The following RRP12 variants were observed in gnomAD, a reference collection of about 807,000 sequenced individuals.
The protein encoded by RRP12 is ribosomal RNA processing 12 homolog.
RRP12 carries 78 observed loss-of-function variants against 157.3 expected under a neutral mutation model. The ratio of observed to expected loss-of-function variants is 0.50; its 90% confidence interval spans 0.41 to 0.60. RRP12 has a LOEUF of 0.60. Ranked by LOEUF, RRP12 falls within the 20% of genes least tolerant of loss-of-function variation. The probability of loss-of-function intolerance (pLI) is 0.00; values close to 1 mark genes in which losing one functional copy is unlikely to be tolerated. For synonymous variants in RRP12, 726 were observed against 670.9 expected (o/e 1.08, Z -1.27); for missense variants, 1,521 against 1,679.9 (o/e 0.91, Z 1.65).
intron 15 of RRP12, among the ~76,000 whole-genome samples, chr10:97,375,679 T>C (rs924816333): frequency 5.3e-5 from 8 of 152,206 alleles, no homozygotes; most frequent in African/African-American, 1.9e-4. Context: ...TCATCTGTAT[T>C]TTCTTTGATG....
intron 33 of RRP12, 57 bp from the exon 34 acceptor site, chr10:97,357,253 T>A: frequency 9.0e-7 from 1 of 1,116,952 alleles, no homozygotes; most frequent in Non-Finnish European, 1.3e-6. Flanking sequence ...GGCCCCCTCC[T>A]GTTGCCAAAT....
chr10:97,381,870 G>C lies in RRP12; in HGVS notation c.1209-44C>G, dbSNP rs1316196456. 2 of 1,467,238 alleles carry C rather than the reference G, an allele frequency of 1.4e-6. 1 individual carries two copies. The highest frequency in any genetic ancestry group is 2.3e-5 in the South Asian group (2 of 86,136). 90.9% of individuals were successfully genotyped at this position (1,467,238 alleles called of 1,614,324 possible). A position where few individuals can be genotyped will look rare whatever the true frequency, so the allele number is the denominator to read the frequency against. ...TCTGTGGGGCCTGGCCTGAGCCCTGGGGACCCGGGCAACCAGGGCTCAGGG... is the reference window on the plus strand; with the variant it reads ...TCTGTGGGGCCTGGCCTGAGCCCTGCGGACCCGGGCAACCAGGGCTCAGGG... On this transcript the variant is annotated intron_variant, in intron 10 of 33. Coordinates refer to ENST00000370992, the MANE Select transcript of RRP12 (RefSeq NM_015179.4).
At position 97,381,868 on chromosome 10, in the gene RRP12, T is replaced by C. The variant is rs578002380; in HGVS notation, c.1209-42A>G. ...TTTCTGTGGGGCCTGGCCTGAGCCCTGGGGACCCGGGCAACCAGGGCTCAG... is the reference window on the plus strand; with the variant it reads ...TTTCTGTGGGGCCTGGCCTGAGCCCCGGGGACCCGGGCAACCAGGGCTCAG... On this transcript the variant is annotated intron_variant, in intron 10 of 33. Transcript: ENST00000370992. 2.7e-6 allele frequency: 4 copies of C among 1,498,852 alleles called. No individual in the cohort carries two copies. In the African/African-American group the frequency reaches 5.5e-5, roughly 21 times the overall value. The allele number at this position is 1,498,852 out of a possible 1,614,324, so 92.8% of individuals were successfully genotyped here. A position where few individuals can be genotyped will look rare whatever the true frequency, so the allele number is the denominator to read the frequency against.
chr10:97,361,849 C>T (rs1193073630), intron 30 of RRP12, among the ~76,000 whole-genome samples: 1 of 152,190 alleles, frequency 6.6e-6, no homozygotes, highest in African/African-American at 2.4e-5. Context: ...TGGCTCACGC[C>T]TGTAATCCTG....
chr10:97,393,792 T>C, intron 3 of RRP12, 32 bp from the exon 4 acceptor site: 4 of 1,578,832 alleles, frequency 2.5e-6, no homozygotes, highest in Non-Finnish European at 2.6e-6. Context: ...TTTGAATGGA[T>C]AAAAACTTAC....
intron 25 of RRP12, 105 bp downstream of exon 25, chr10:97,369,315 CTGGCT>C: frequency 8.4e-7 from 1 of 1,187,788 alleles, no homozygotes; most frequent in African/African-American, 1.5e-5. Context: ...TTAATGACCT[CTGGCT>C]ACAAAAAAAA....
At chr10:97,370,414 T>G in intron 23 of RRP12, 41 bp downstream of exon 23, 10 of 1,458,628 alleles carry the variant, frequency 6.9e-6, no homozygotes, top group South Asian at 1.2e-5. Flanking sequence ...CCCCACCCAG[T>G]CTATGAGCAG....
chr10:97,360,000 G>A (rs1338429974), intron 31 of RRP12, among the ~76,000 whole-genome samples: 1 of 152,216 alleles, frequency 6.6e-6, no homozygotes, highest in African/African-American at 2.4e-5. Context: ...TTGGGGGCAG[G>A]GGTCCTGCAA....
rs751446717 is a variant in RRP12, at chr10:97,366,599, A to G, written c.3238T>C (p.Ser1080Pro). ...TCCTCATTGTCCTCCTCGTCCTCTG[A>G]GTCAGCTAAAATCTCCTCAATGCTA... ...GDSIEEILADSEDEEDNEEEE... is the reference protein window; with the variant it reads ...GDSIEEILADPEDEEDNEEEE... Residue 1080 changes from serine (S) to proline (P), a missense_variant, in exon 28 of 34, where the codon TCA (serine) becomes CCA (proline). Transcript: ENST00000370992. 3.7e-6 allele frequency: 6 copies of G among 1,613,084 alleles called. No homozygotes were observed. The highest frequency in any genetic ancestry group is 1.7e-5 in the Admixed American group (1 of 59,904).
chr10:97,369,052 G>A (rs1844065672), intron 25 of RRP12, among the ~76,000 whole-genome samples: 1 of 151,650 alleles, frequency 6.6e-6, no homozygotes, highest in Non-Finnish European at 1.5e-5. Flanking sequence ...ATGCAAGATG[G>A]GAAAAAAAAA....
At chr10:97,383,296 A>T (rs970597839) in intron 10 of RRP12, among the ~76,000 whole-genome samples, 7 of 152,228 alleles carry the variant, frequency 4.6e-5, no homozygotes, top group African/African-American at 1.7e-4. Flanking sequence ...GGTTTGATGC[A>T]GGAAAAAGAA....
rs558598822 is a variant in RRP12, at chr10:97,369,494, T to G, written c.2886A>C (p.Ala962=). ...ASRTRDVVKS[A]LGFIKVAVTV... ...TCACTGCCACCTTGATGAAGCCCAGTGCAGACTTGACCACGTCACGGGTGC... is the reference window on the plus strand; with the variant it reads ...TCACTGCCACCTTGATGAAGCCCAGGGCAGACTTGACCACGTCACGGGTGC... Residue 962 remains alanine (A), a synonymous_variant, in exon 25 of 34, where the codon GCA becomes GCC. Transcript: ENST00000370992. 8 of 1,610,094 alleles carry G rather than the reference T, an allele frequency of 5.0e-6. No individual in the cohort carries two copies. The Admixed American group carries it at 1.0e-4, about 20-fold the overall frequency.
Position 97,400,428 on chromosome 10 carries a change from CTCT to C in RRP12, c.243_245del (p.Glu82del). Reference sequence around the variant, plus strand: ...ACTTCTCGGTGAGAACCAGCTCCGCCTCTTCTTCCATGGGCGTCTCCGGGGCTT... The same window carrying C: ...ACTTCTCGGTGAGAACCAGCTCCGCCTCTTCCATGGGCGTCTCCGGGGCTT... On this transcript the variant is annotated inframe_deletion, in exon 2 of 34. Coordinates refer to ENST00000370992, the MANE Select transcript of RRP12 (RefSeq NM_015179.4). The C allele has an allele frequency of 6.2e-7, 1 of 1,614,144 alleles. No individual in the cohort carries two copies. The highest frequency in any genetic ancestry group is 8.5e-7 in the Non-Finnish European group (1 of 1,180,032).
intron 25 of RRP12, 110 bp from the exon 26 acceptor site, chr10:97,367,242 G>T: frequency 1.1e-6 from 1 of 908,942 alleles, no homozygotes; most frequent in Non-Finnish European, 1.7e-6. Flanking sequence ...TGAGGGGAGG[G>T]TTAGCGCGGC....
rs1249345418 is a variant in RRP12 at position 97,385,851 on chromosome 10, C to T, written c.1116+44G>A. 2.8e-6 allele frequency: 4 copies of T among 1,410,660 alleles called. No individual in the cohort carries two copies. In the South Asian group the frequency reaches 4.9e-5, roughly 17 times the overall value. The allele number at this position is 1,410,660 out of a possible 1,614,324, so 87.4% of individuals were successfully genotyped here. On this transcript the variant is annotated intron_variant, in intron 9 of 33. Coordinates refer to ENST00000370992, the MANE Select transcript of RRP12 (RefSeq NM_015179.4). ...GCCCCCAGCACAGCCTCCCAAGGCACCACCCCCGACCTAATGCCCCCACAT... is the reference window on the plus strand; with the variant it reads ...GCCCCCAGCACAGCCTCCCAAGGCATCACCCCCGACCTAATGCCCCCACAT...
intron 3 of RRP12, among the ~76,000 whole-genome samples, chr10:97,394,287 G>T (rs763490152): frequency 9.2e-5 from 14 of 152,188 alleles, no homozygotes; most frequent in Non-Finnish European, 1.8e-4. Flanking sequence ...AGCTTGCAAT[G>T]AGCTGAGATC....
At position 97,390,381 on chromosome 10, in the gene RRP12, GC is replaced by G. The variant is rs752360009; in HGVS notation, c.753+41del. On this transcript the variant is annotated intron_variant, in intron 6 of 33. Transcript: ENST00000370992. ...CTGGGCTGCACTGGGCTGAGTGGTGGCTGTCCCCTTGCCCCATTTTCTAGGG... is the reference window on the plus strand; with the variant it reads ...CTGGGCTGCACTGGGCTGAGTGGTGGTGTCCCCTTGCCCCATTTTCTAGGG... 4 of 1,471,314 alleles carry G rather than the reference GC, an allele frequency of 2.7e-6. No individual in the cohort carries two copies. The African/African-American group carries it at 5.5e-5, about 20-fold the overall frequency. The allele number at this position is 1,471,314 out of a possible 1,614,324, so 91.1% of individuals were successfully genotyped here. A position where few individuals can be genotyped will look rare whatever the true frequency, so the allele number is the denominator to read the frequency against.
intron 9 of RRP12, 51 bp downstream of exon 9, chr10:97,385,844 C>T: frequency 7.3e-7 from 1 of 1,369,628 alleles, no homozygotes. Context: ...CACAGCCTCC[C>T]AAGGCACCAC....
chr10:97,359,067 A>C, intron 31 of RRP12, 57 bp from the exon 32 acceptor site: 1 of 1,357,718 alleles, frequency 7.4e-7, no homozygotes, highest in Non-Finnish European at 1.0e-6. Flanking sequence ...CCCCTCCAGA[A>C]AGGCAATGGG....
Sources: gnomAD v4.1 joint callset for allele counts (sites outside exome capture counted in the v4.1 genomes callset) on GRCh38, gnomAD v4.1.1 for gene constraint, MANE v1.5 for transcripts, NCBI Gene and HGNC (gene_info 2026-07-23, HGNC 2026-07-21) for gene names.